The following PDZD2 variants were observed in gnomAD, a reference collection of about 807,000 sequenced individuals.
The protein encoded by PDZD2 is PDZ domain containing 2, also known as PDZ domain-containing protein 2.
In PDZD2, 90 loss-of-function variants were observed where a neutral mutation model predicts 220.7. The ratio of observed to expected loss-of-function variants is 0.41; its 90% confidence interval spans 0.34 to 0.49. PDZD2 has a LOEUF of 0.49. Ranked by LOEUF, PDZD2 falls within the 20% of genes least tolerant of loss-of-function variation. PDZD2 has a pLI of 0.28. For missense variants in PDZD2, 3,174 were observed against 3,608.5 expected (o/e 0.88, Z 3.08); for synonymous variants, 1,375 against 1,450.5 (o/e 0.95, Z 1.18).
chr5:32,015,264 G>A (rs1471020970), intron 6 of PDZD2, among the ~76,000 whole-genome samples: 1 of 151,636 alleles, frequency 6.6e-6, no homozygotes, highest in Non-Finnish European at 1.5e-5. Context: ...TTTTTCTAGA[G>A]ACAGGGTCTT....
chr5:31,949,117 A>AC (rs1455046952), intron 2 of PDZD2, among the ~76,000 whole-genome samples: 2 of 150,772 alleles, frequency 1.3e-5, no homozygotes, highest in Non-Finnish European at 3.0e-5. Flanking sequence ...AAAAAAAAAA[A>AC]AAAAAATAGT....
At chr5:31,989,774 G>A (rs934129117) in intron 3 of PDZD2, among the ~76,000 whole-genome samples, 4 of 152,154 alleles carry the variant, frequency 2.6e-5, no homozygotes, top group African/African-American at 9.7e-5. Context: ...AGACACTTAG[G>A]TTGATTCTGT....
At chr5:31,809,816 T>C (rs1004448882) in intron 2 of PDZD2, among the ~76,000 whole-genome samples, 1 of 152,186 alleles carries the variant, frequency 6.6e-6, no homozygotes, top group South Asian at 2.1e-4. Flanking sequence ...CTTTCCATCA[T>C]TTAAAGAGGA....
At chr5:31,988,882 T>C (rs1375758301) in intron 3 of PDZD2, among the ~76,000 whole-genome samples, 1 of 152,146 alleles carries the variant, frequency 6.6e-6, no homozygotes, top group Admixed American at 6.5e-5. Context: ...CACCCTCCTG[T>C]AGGAGGTCTC....
At chr5:31,938,665 A>G (rs909432570) in intron 2 of PDZD2, among the ~76,000 whole-genome samples, 1 of 148,700 alleles carries the variant, frequency 6.7e-6, no homozygotes, top group African/African-American at 2.4e-5. Flanking sequence ...ACTTTGGAAA[A>G]AAAAAAGATG....
chr5:32,087,498 G>A lies in PDZD2; in HGVS notation c.4050G>A (p.Gln1350=). 2 of 1,613,326 alleles carry A rather than the reference G, an allele frequency of 1.2e-6. No individual in the cohort carries two copies. The highest frequency in any genetic ancestry group is 1.7e-6 in the Non-Finnish European group (2 of 1,179,586). The change falls in exon 20 of 25, where the codon CAG becomes CAA. Residue 1350 remains glutamine (Q), a synonymous_variant. Coordinates refer to ENST00000438447, the MANE Select transcript of PDZD2 (RefSeq NM_178140.4). The surrounding 1 kb of genome is among the most constrained non-coding windows in gnomAD (Gnocchi z 4.0). ...GAGACCCCCTCACATCCCAGGAGCAGAGACAGGGAGCTCCAGGTAACCACA... is the reference window on the plus strand; with the variant it reads ...GAGACCCCCTCACATCCCAGGAGCAAAGACAGGGAGCTCCAGGTAACCACA... ...LPGDPLTSQE[Q]RQGAPGNHSK...
chr5:32,011,376 G>A (rs1286596760), intron 6 of PDZD2, among the ~76,000 whole-genome samples: 1 of 151,796 alleles, frequency 6.6e-6, no homozygotes, highest in Admixed American at 6.6e-5. Flanking sequence ...GGGCATGCCT[G>A]TAGTCTCAGC....
At chr5:31,973,203 G>C (rs1014788012) in intron 2 of PDZD2, among the ~76,000 whole-genome samples, 5 of 152,280 alleles carry the variant, frequency 3.3e-5, no homozygotes, top group African/African-American at 1.2e-4. Context: ...TGATAGAAAG[G>C]CCATACTGTT....
At chr5:31,827,783 C>T (rs1043032643) in intron 2 of PDZD2, among the ~76,000 whole-genome samples, 2 of 151,852 alleles carry the variant, frequency 1.3e-5, no homozygotes, top group African/African-American at 4.8e-5. Context: ...TTAAAATGTA[C>T]AATTGAGTGG....
At chr5:31,683,298 A>G (rs752054706) in intron 1 of PDZD2, among the ~76,000 whole-genome samples, 1 of 152,088 alleles carries the variant, frequency 6.6e-6, no homozygotes, top group Non-Finnish European at 1.5e-5. Context: ...TGATTTGTCC[A>G]CAGTCTTAGT....
At chr5:31,752,550 A>AAAAT (rs973003366) in intron 1 of PDZD2, among the ~76,000 whole-genome samples, 12 of 151,410 alleles carry the variant, frequency 7.9e-5, no homozygotes, top group Non-Finnish European at 1.8e-4. Flanking sequence ...CTCTGTCTCA[A>AAAAT]AAATAAATAA....
chr5:32,068,682 A>G (rs1380619072), intron 14 of PDZD2, among the ~76,000 whole-genome samples: 1 of 152,204 alleles, frequency 6.6e-6, no homozygotes, highest in Non-Finnish European at 1.5e-5. Context: ...TTACACAGTC[A>G]TCAATGTTGC....
intron 21 of PDZD2, 107 bp downstream of exon 21, chr5:32,093,131 G>A (rs1344715793): frequency 1.5e-6 from 1 of 668,852 alleles, no homozygotes; most frequent in East Asian, 2.7e-5. Context: ...GAGTCCTGGA[G>A]AGGGAGGACT....
intron 2 of PDZD2, among the ~76,000 whole-genome samples, chr5:31,900,873 A>C (rs2150357826): frequency 6.6e-6 from 1 of 151,964 alleles, no homozygotes; most frequent in South Asian, 2.1e-4. Flanking sequence ...GAGGAGGAAA[A>C]CCCCATCGAA....
rs182481453 is a variant in PDZD2, at chr5:31,864,791, G to A, written c.476+65067G>A. Among the ~76,000 whole-genome samples, 617 of 148,382 alleles carry A rather than the reference G, an allele frequency of 4.2e-3. 6 individuals carry two copies. Among genetic ancestry groups the A allele is most frequent in the African/African-American group, 0.014 (570 of 40,152 alleles). Reference sequence around the variant, plus strand: ...AGACTACCAAAGTGCTGGGATTATAGGCATGAGCCACAGTGCCCAGTCGAA... The same window carrying A: ...AGACTACCAAAGTGCTGGGATTATAAGCATGAGCCACAGTGCCCAGTCGAA... On this transcript the variant is annotated intron_variant, in intron 2 of 24. Coordinates refer to ENST00000438447, the MANE Select transcript of PDZD2 (RefSeq NM_178140.4).
At position 32,024,703 on chromosome 5, in the gene PDZD2, A is replaced by AAAAAAGAAAG. The variant is rs1561378496; in HGVS notation, c.1408-12525_1408-12524insAAGAAAGAAA. On this transcript the variant is annotated intron_variant, in intron 6 of 24. Transcript: ENST00000438447. Reference sequence around the variant, plus strand: ...ATCTCAAAAAAAAAAAGAAAGAAAAAAAAGAAAAGGAAAGAAAGAAACGTG... The same window carrying AAAAAAGAAAG: ...ATCTCAAAAAAAAAAAGAAAGAAAAAAAAAAGAAAGAAAGAAAAGGAAAGAAAGAAACGTG... Among the ~76,000 whole-genome samples the AAAAAAGAAAG allele has an allele frequency of 2.1e-5, 3 of 140,232 alleles. 1 individual carries two copies. The highest frequency in any genetic ancestry group is 1.6e-5 in the Non-Finnish European group (1 of 64,262). The allele number at this position is 140,232 out of a possible 152,430, so 92.0% of individuals were successfully genotyped here. A position where few individuals can be genotyped will look rare whatever the true frequency, so the allele number is the denominator to read the frequency against.
At chr5:31,823,153 GCAAAAAAAAA>G (rs1561486720) in intron 2 of PDZD2, 21 of 74,018 alleles carry the variant, frequency 2.8e-4, no homozygotes, top group Middle Eastern at 7.5e-3. Context: ...AGTAGACGTG[GCAAAAAAAAA>G]AAAAAAAAAA....
At chr5:31,898,808 C>CTTTTTTTTTTTTTTTTTTTTTTTTTT (rs35589628) in intron 2 of PDZD2, among the ~76,000 whole-genome samples, 16 of 123,466 alleles carry the variant, frequency 1.3e-4, no homozygotes, top group African/African-American at 1.8e-4. Flanking sequence ...AGCCTCTCTT[C>CTTTTTTTTTTTTTTTTTTTTTTTTTT]TTTTTTTTTT....
intron 5 of PDZD2, 58 bp from the exon 6 acceptor site, chr5:32,010,272 A>G: frequency 7.3e-7 from 1 of 1,369,624 alleles, no homozygotes; most frequent in Non-Finnish European, 1.0e-6. Context: ...GTTGCCTTCA[A>G]GAACTGCTTG....
Sources: allele counts gnomAD v4.1 joint callset (sites outside exome capture counted in the v4.1 genomes callset), GRCh38; gene constraint gnomAD v4.1.1; non-coding constraint Gnocchi (gnomAD v3.1); transcripts MANE v1.5; gene names NCBI Gene and HGNC (gene_info 2026-07-23, HGNC 2026-07-21).